Variants in WWOX observed in about 807,000 individuals in gnomAD.
WWOX encodes the protein WW domain containing oxidoreductase, also known as WW domain-containing oxidoreductase.
A neutral mutation model predicts 46.2 loss-of-function variants in WWOX; 69 were observed. The ratio of observed to expected loss-of-function variants is 1.49; its 90% CI spans 1.23 to 1.82. The LOEUF (loss-of-function observed/expected upper bound fraction) is 1.82. WWOX is among the 40% of genes most tolerant of loss of function. The probability of loss-of-function intolerance (pLI) is 0.00; values close to 1 mark genes in which losing one functional copy is unlikely to be tolerated. For missense variants in WWOX, 919 were observed against 542.6 expected (o/e 1.69, Z -6.89); for synonymous variants, 359 against 202.6 (o/e 1.77, Z -6.56).
chr16:79,136,311 A>C (rs940202010), intron 8 of WWOX, among the ~76,000 whole-genome samples: 1 of 151,800 alleles, frequency 6.6e-6, no homozygotes, highest in South Asian at 2.1e-4. Context: ...GCTCACTGCA[A>C]CATTTGACTC....
chr16:78,995,240 C>G lies in WWOX; in HGVS notation c.1057-216368C>G, dbSNP rs556510223. 7.9e-5 allele frequency among the ~76,000 whole-genome samples: 12 copies of G among 152,152 alleles called. No homozygotes were observed. The East Asian group carries it at 1.2e-3, about 15-fold the overall frequency. On this transcript the variant is annotated intron_variant, in intron 8 of 8. Coordinates refer to ENST00000566780, the MANE Select transcript of WWOX (RefSeq NM_016373.4). ...CGTGATTCCAAAGCCCATGCCCAAT[C>G]CTTGCACTGAAGCTTTTAGCAGGAA... is the stretch of plus-strand genomic sequence containing the variant.
chr16:78,596,317 T>G (rs546214766), intron 8 of WWOX, among the ~76,000 whole-genome samples: 1 of 152,326 alleles, frequency 6.6e-6, no homozygotes, highest in Admixed American at 6.5e-5. Context: ...CTGCTAGGCC[T>G]GGGTCTACAG....
At chr16:78,311,792 G>A (rs2080250528) in intron 5 of WWOX, among the ~76,000 whole-genome samples, 1 of 151,944 alleles carries the variant, frequency 6.6e-6, no homozygotes, top group African/African-American at 2.4e-5. Flanking sequence ...CAGCCTGGCG[G>A]GGGGGTATTC....
chr16:78,867,926 T>G lies in WWOX; in HGVS notation c.1057-343682T>G, dbSNP rs575743319. On this transcript the variant is annotated intron_variant, in intron 8 of 8. Coordinates refer to ENST00000566780, the MANE Select transcript of WWOX (RefSeq NM_016373.4). ...AATGTGGAAGAACTAGAACTGTCAT[T>G]CACTGCTGGTGGGAATGTAAAATGG... Among the ~76,000 whole-genome samples, 221 of 152,354 alleles carry G rather than the reference T, an allele frequency of 1.5e-3. 1 individual carries two copies. The highest frequency in any genetic ancestry group is 5.1e-3 in the African/African-American group (212 of 41,586).
intron 8 of WWOX, 149 bp downstream of exon 8, chr16:78,432,901 T>C: frequency 1.6e-6 from 2 of 1,266,704 alleles, no homozygotes; most frequent in Non-Finnish European, 2.3e-6. Flanking sequence ...TGAACACATT[T>C]TCATCAACTT....
At chr16:78,346,827 C>T (rs1250124619) in intron 5 of WWOX, among the ~76,000 whole-genome samples, 1 of 120,160 alleles carries the variant, frequency 8.3e-6, no homozygotes, top group Admixed American at 8.1e-5. Context: ...GCCTCAGTCT[C>T]TTGAGTAGCT....
At chr16:78,983,649 C>G (rs1363756153) in intron 8 of WWOX, among the ~76,000 whole-genome samples, 2 of 152,066 alleles carry the variant, frequency 1.3e-5, no homozygotes, top group Non-Finnish European at 2.9e-5. Flanking sequence ...TGACTTCCAG[C>G]CAATGGAATC....
chr16:78,833,770 T>C (rs2051897389), intron 8 of WWOX, among the ~76,000 whole-genome samples: 1 of 152,242 alleles, frequency 6.6e-6, no homozygotes, highest in East Asian at 1.9e-4. Context: ...ATGAGGAAAC[T>C]GAGGCATAAG....
At chr16:78,358,290 C>G (rs189792627) in intron 5 of WWOX, among the ~76,000 whole-genome samples, 9 of 152,284 alleles carry the variant, frequency 5.9e-5, no homozygotes, top group African/African-American at 1.4e-4. Context: ...CAAAACGTAT[C>G]TATTTGATTA....
At chr16:78,268,858 A>C (rs528891988) in intron 5 of WWOX, among the ~76,000 whole-genome samples, 1 of 152,332 alleles carries the variant, frequency 6.6e-6, no homozygotes, top group Admixed American at 6.5e-5. Flanking sequence ...TTTTAAAATT[A>C]TAGAGCTGTC....
chr16:78,920,470 C>A (rs899900907), intron 8 of WWOX, among the ~76,000 whole-genome samples: 2 of 152,124 alleles, frequency 1.3e-5, no homozygotes, highest in African/African-American at 2.4e-5. Context: ...TTTCGCTGAC[C>A]CCGAATGACT....
In WWOX at chr16:78,786,065, C is replaced by G. The variant is rs1322342468; in HGVS notation, c.1056+353313C>G. Among the ~76,000 whole-genome samples, 12 of 152,126 alleles carry G rather than the reference C, an allele frequency of 7.9e-5. 1 individual carries two copies. Among genetic ancestry groups the G allele is most frequent in the Admixed American group, 3.9e-4 (6 of 15,266 alleles). On this transcript the variant is annotated intron_variant, in intron 8 of 8. Coordinates refer to ENST00000566780, the MANE Select transcript of WWOX (RefSeq NM_016373.4). The stretch of plus-strand genomic sequence containing the variant: ...GGGAATACAGGCACCCACCACCACG[C>G]CTGGCTAATTGTTTTTGAATTTTTA...
intron 5 of WWOX, among the ~76,000 whole-genome samples, chr16:78,195,870 T>C (rs1196714999): frequency 6.7e-6 from 1 of 149,018 alleles, no homozygotes; most frequent in Non-Finnish European, 1.5e-5. Flanking sequence ...ATGTGGAATA[T>C]GAGACAAATG....
rs371543246 is a variant in WWOX at position 78,144,983 on chromosome 16, G to A, written c.410-19200G>A. On this transcript the variant is annotated intron_variant, in intron 4 of 8. Transcript: ENST00000566780. ...TTATTATTCCCCTTTCACAGATGAG[G>A]AAATTGAGGTTCACAGAAGTTAAGT... Among the ~76,000 whole-genome samples, 11 of 152,238 alleles carry A rather than the reference G, an allele frequency of 7.2e-5. 1 individual carries two copies. The highest frequency in any genetic ancestry group is 2.4e-4 in the African/African-American group (10 of 41,554).
At chr16:78,623,667 C>T (rs1031879180) in intron 8 of WWOX, among the ~76,000 whole-genome samples, 1 of 150,662 alleles carries the variant, frequency 6.6e-6, no homozygotes, top group East Asian at 2.0e-4. Flanking sequence ...GTGAAAGGAG[C>T]CATGATGTTA....
chr16:78,543,445 T>C (rs1014547423), intron 8 of WWOX, among the ~76,000 whole-genome samples: 7 of 152,230 alleles, frequency 4.6e-5, no homozygotes, highest in Admixed American at 1.3e-4. Context: ...TGTTGGTTGA[T>C]AAAGTCAAAC....
At chr16:78,503,120 C>A (rs1391075232) in intron 8 of WWOX, among the ~76,000 whole-genome samples, 3 of 152,182 alleles carry the variant, frequency 2.0e-5, no homozygotes, top group South Asian at 2.1e-4. Flanking sequence ...GCCTAACTCG[C>A]AAGCGATGTG....
intron 7 of WWOX, among the ~76,000 whole-genome samples, chr16:78,426,937 C>G (rs554681180): frequency 2.0e-5 from 3 of 152,218 alleles, no homozygotes; most frequent in African/African-American, 4.8e-5. Context: ...GCTGTGATTA[C>G]AGGCGTGAGC....
chr16:78,761,063 TA>T (rs2049780521), intron 8 of WWOX, among the ~76,000 whole-genome samples: 1 of 152,136 alleles, frequency 6.6e-6, no homozygotes, highest in African/African-American at 2.4e-5. Flanking sequence ...CTACAACACG[TA>T]AGAATTATGG....
Sources: gnomAD v4.1 joint callset for allele counts (sites outside exome capture counted in the v4.1 genomes callset) on GRCh38, gnomAD v4.1.1 for gene constraint, MANE v1.5 for transcripts, NCBI Gene and HGNC (gene_info 2026-07-23, HGNC 2026-07-21) for gene names.